Variants in RBFOX1 observed in about 807,000 individuals in gnomAD.
The protein encoded by RBFOX1 is RNA binding fox-1 homolog 1.
In RBFOX1, 8 loss-of-function variants were observed where a neutral mutation model predicts 57.7. That is an observed-to-expected ratio of 0.14 (90% CI 0.08 to 0.25). The LOEUF (loss-of-function observed/expected upper bound fraction) is 0.25, where lower values mean the gene tolerates loss of function less well. Among genes scored for constraint, RBFOX1 ranks in the 10% least tolerant of loss-of-function variants. The probability of loss-of-function intolerance (pLI) is 1.00; values close to 1 mark genes in which losing one functional copy is unlikely to be tolerated. For missense variants in RBFOX1, 611 were observed against 548.5 expected, an observed-to-expected ratio of 1.11 and a Z score of -1.14; for synonymous variants, 326 against 222.4, an observed-to-expected ratio of 1.47 and a Z score of -4.15.
intron 3 of RBFOX1, among the ~76,000 whole-genome samples, chr16:5,639,555 A>G (rs941362866): frequency 5.8e-4 from 89 of 152,248 alleles, no homozygotes; most frequent in African/African-American, 1.9e-3. Flanking sequence ...AGAGGGAGCA[A>G]GAAGTGTGTT....
intron 1 of RBFOX1, among the ~76,000 whole-genome samples, chr16:6,122,848 G>T (rs956440617): frequency 4.0e-5 from 6 of 149,304 alleles, no homozygotes; most frequent in African/African-American, 1.5e-4. Context: ...TATACTCTCT[G>T]ATTAAAGCAC....
chr16:5,406,407 A>G (rs145432746), intron 1 of RBFOX1, among the ~76,000 whole-genome samples: 142 of 152,254 alleles, frequency 9.3e-4, no homozygotes, highest in Non-Finnish European at 1.5e-3. Flanking sequence ...TTATGCCTTC[A>G]GTGTTCTGGT....
intron 4 of RBFOX1, among the ~76,000 whole-genome samples, chr16:5,958,933 A>G (rs1181523765): frequency 6.6e-6 from 1 of 152,162 alleles, no homozygotes; most frequent in Non-Finnish European, 1.5e-5. Flanking sequence ...TCCCCATCTC[A>G]ACAACCTAAA....
intron 1 of RBFOX1, among the ~76,000 whole-genome samples, chr16:5,448,824 T>C (rs1217547264): frequency 6.6e-6 from 1 of 152,200 alleles, no homozygotes; most frequent in Non-Finnish European, 1.5e-5. Context: ...GGGATACATT[T>C]AGGAGGAAAG....
intron 1 of RBFOX1, among the ~76,000 whole-genome samples, chr16:5,311,974 C>G (rs2064102583): frequency 6.6e-6 from 1 of 152,178 alleles, no homozygotes; most frequent in South Asian, 2.1e-4. Flanking sequence ...ATGAGCCTTG[C>G]AAGAGCAAAG....
chr16:5,479,395 T>C (rs2069443387), intron 2 of RBFOX1, among the ~76,000 whole-genome samples: 1 of 152,212 alleles, frequency 6.6e-6, no homozygotes, highest in Non-Finnish European at 1.5e-5. Flanking sequence ...GAACCCTCTC[T>C]GATTCCAAAG....
intron 4 of RBFOX1, among the ~76,000 whole-genome samples, chr16:7,251,840 G>A (rs555859357): frequency 6.6e-6 from 1 of 152,100 alleles, no homozygotes; most frequent in South Asian, 2.1e-4. Flanking sequence ...GTTTCCTTTG[G>A]ATATATACAC....
At chr16:6,309,687 C>G (rs1156502941) in intron 1 of RBFOX1, among the ~76,000 whole-genome samples, 1 of 152,014 alleles carries the variant, frequency 6.6e-6, no homozygotes, top group East Asian at 1.9e-4. Flanking sequence ...TATTGTTAGT[C>G]TCTCGGAGGT....
chr16:7,497,939 T>G (rs1184887677), intron 4 of RBFOX1, among the ~76,000 whole-genome samples: 1 of 152,210 alleles, frequency 6.6e-6, no homozygotes, highest in Non-Finnish European at 1.5e-5. Flanking sequence ...CCAGTATAAA[T>G]ATTAGTCAGT....
intron 1 of RBFOX1, among the ~76,000 whole-genome samples, chr16:6,094,030 C>G (rs571313757): frequency 1.3e-5 from 2 of 152,264 alleles, no homozygotes; most frequent in South Asian, 4.2e-4. Context: ...TGGAGGGTTT[C>G]TAATTTACTT....
intron 2 of RBFOX1, among the ~76,000 whole-genome samples, chr16:6,629,397 C>G (rs2098354649): frequency 6.6e-6 from 1 of 152,168 alleles, no homozygotes. Context: ...CCTGAGAGTA[C>G]CAACAGCTAC....
intron 4 of RBFOX1, among the ~76,000 whole-genome samples, chr16:7,449,527 C>T (rs1028090916): frequency 2.6e-5 from 4 of 152,024 alleles, no homozygotes; most frequent in Admixed American, 2.0e-4. Context: ...TATCATATTG[C>T]CCTGTTTTGT....
intron 1 of RBFOX1, among the ~76,000 whole-genome samples, chr16:6,297,048 A>G (rs2078200409): frequency 1.3e-5 from 2 of 152,200 alleles, no homozygotes; most frequent in Non-Finnish European, 2.9e-5. Context: ...TCCCCTTTTT[A>G]GACCACAGAG....
intron 1 of RBFOX1, chr16:5,366,571 GA>G: frequency 2.6e-6 from 1 of 387,594 alleles, no homozygotes; most frequent in Non-Finnish European, 4.9e-6. Context: ...AGCAAATATA[GA>G]AAAAGGTGAT....
chr16:5,311,031 A>T (rs1228378617), intron 1 of RBFOX1, among the ~76,000 whole-genome samples: 1 of 151,820 alleles, frequency 6.6e-6, no homozygotes, highest in African/African-American at 2.4e-5. Context: ...CTGTGATACC[A>T]CTCTGTATGC....
chr16:7,557,962 C>G (rs11864062), intron 5 of RBFOX1, among the ~76,000 whole-genome samples: 3 of 152,114 alleles, frequency 2.0e-5, no homozygotes, highest in Non-Finnish European at 2.9e-5. Flanking sequence ...TCCAGATACT[C>G]TAAACAAACA....
intron 3 of RBFOX1, among the ~76,000 whole-genome samples, chr16:6,677,169 A>T (rs1039239449): frequency 4.6e-5 from 7 of 152,218 alleles, no homozygotes; most frequent in Admixed American, 3.9e-4. Flanking sequence ...AAAATATTCA[A>T]TGAAAGTACC....
At chr16:6,450,323 C>A (rs1285918503) in intron 2 of RBFOX1, among the ~76,000 whole-genome samples, 1 of 152,116 alleles carries the variant, frequency 6.6e-6, no homozygotes, top group Non-Finnish European at 1.5e-5. Flanking sequence ...CACTTACCTG[C>A]ACTGAATGTT....
intron 4 of RBFOX1, among the ~76,000 whole-genome samples, chr16:7,303,261 T>C (rs2096075518): frequency 6.6e-6 from 1 of 152,178 alleles, no homozygotes; most frequent in Non-Finnish European, 1.5e-5. Context: ...GCATCGGCGC[T>C]TCGGTGCTCT....
Sources: gnomAD v4.1 joint callset for allele counts (sites outside exome capture counted in the v4.1 genomes callset) on GRCh38, gnomAD v4.1.1 for gene constraint, MANE v1.5 for transcripts, NCBI Gene and HGNC (gene_info 2026-07-23, HGNC 2026-07-21) for gene names.